The following ZNF90 variants were observed in gnomAD, a reference collection of about 807,000 sequenced individuals.
ZNF90 encodes the protein zinc finger protein HTF9.
Under a neutral mutation model 12.0 loss-of-function variants are expected in ZNF90, and 11 were observed. The ratio of observed to expected loss-of-function variants is 0.92; its 90% CI spans 0.58 to 1.52. The LOEUF (loss-of-function observed/expected upper bound fraction) is 1.52. Among genes scored for constraint, ZNF90 ranks in the 40% most tolerant of loss-of-function variants. The probability of loss-of-function intolerance (pLI) is 0.00; values close to 1 mark genes in which losing one functional copy is unlikely to be tolerated. For synonymous variants in ZNF90, 232 were observed against 240.1 expected (o/e 0.97, Z 0.31); for missense variants, 765 against 711.5 (o/e 1.08, Z -0.86).
chr19:20,078,184 A>C, intron 1 of ZNF90, 49 bp downstream of exon 1: 1 of 1,613,074 alleles, frequency 6.2e-7, no homozygotes, highest in South Asian at 1.1e-5. Context: ...ACTGGTTGGA[A>C]CCGATGGGAA....
chr19:20,079,052 G>C lies in ZNF90; in HGVS notation c.3+917G>C, dbSNP rs182786113. 2.4e-3 allele frequency among the ~76,000 whole-genome samples: 362 copies of C among 149,828 alleles called. 2 individuals carry two copies. The highest frequency in any genetic ancestry group is 8.6e-3 in the African/African-American group (347 of 40,240). On this transcript the variant is annotated intron_variant, in intron 1 of 3. Coordinates refer to ENST00000418063, the MANE Select transcript of ZNF90 (RefSeq NM_007138.2). ...GAGAATTGCTTGAACTCGGGAGGCA[G>C]AGGTTGCAGTGAGCTGAGATCCCTC...
Position 20,105,307 on chromosome 19 carries a change from A to G in ZNF90, c.217A>G (p.Lys73Glu), listed in dbSNP as rs782486065. 6.2e-7 allele frequency: 1 copy of G among 1,605,820 alleles called. No individual in the cohort carries two copies. Among genetic ancestry groups the G allele is most frequent in the Non-Finnish European group, 8.5e-7 (1 of 1,175,562 alleles). Residue 73 changes from lysine to glutamate, a missense_variant, in exon 3 of 4, where the codon AAA (lysine) becomes GAA (glutamate). Lys to Glu is a moderately conservative substitution (Grantham distance 56). Coordinates refer to ENST00000418063, the MANE Select transcript of ZNF90 (RefSeq NM_007138.2). ...TGTGAAGAGACATGAGATGATTGCC[A>G]AATCCCCAGGTAGGTGCGAGTGAAA... ...FTVKRHEMIA[K>E]SPVMCFHFAQ...
In ZNF90 at chr19:20,118,314, G is replaced by C. The variant is rs1479766033; in HGVS notation, c.760G>C (p.Glu254Gln). ...TGCACATAAGAGAATTCATACTGGA[G>C]AGAAACGGTACAAATGTGAAGATTG... ...LTAHKRIHTGEKRYKCEDCGK... is the reference protein window; with the variant it reads ...LTAHKRIHTGQKRYKCEDCGK... The change falls in exon 4 of 4, where the codon GAG (glutamate) becomes CAG (glutamine). Residue 254 changes from glutamate (E) to glutamine (Q), a missense_variant. Glu to Gln is a conservative substitution (Grantham distance 29). Transcript: ENST00000418063. 1 of 1,562,712 alleles carries C rather than the reference G, an allele frequency of 6.4e-7. No homozygotes were observed. Among genetic ancestry groups the C allele is most frequent in the Non-Finnish European group, 8.7e-7 (1 of 1,153,058 alleles).
At chr19:20,115,969 G>GTTCTCATAGGTTGAATCTCAAAGT (rs1373271879) in intron 3 of ZNF90, among the ~76,000 whole-genome samples, 1 of 152,074 alleles carries the variant, frequency 6.6e-6, no homozygotes, top group African/African-American at 2.4e-5. Context: ...TGCCTCCTAG[G>GTTCTCATAGGTTGAATCTCAAAGT]TTCAAGCGAT....
rs376316597 is a variant in ZNF90 at position 20,093,696 on chromosome 19, G to C, written c.4-10543G>C. Reference sequence around the variant, plus strand: ...GGAGTTTTCAGGGGTTTTGAAGCTTGGCCGTCAATACTCACAACAGTTATG... The same window carrying C: ...GGAGTTTTCAGGGGTTTTGAAGCTTCGCCGTCAATACTCACAACAGTTATG... On this transcript the variant is annotated intron_variant, in intron 1 of 3. Transcript: ENST00000418063. Among the ~76,000 whole-genome samples the C allele has an allele frequency of 1.4e-4, 22 of 152,256 alleles. No homozygotes were observed. The East Asian group carries it at 3.1e-3, about 21-fold the overall frequency.
At position 20,118,690 on chromosome 19, in the gene ZNF90, T is replaced by G. The variant is rs2089166887; in HGVS notation, c.1136T>G (p.Ile379Ser). 1 of 1,565,256 alleles carries G rather than the reference T, an allele frequency of 6.4e-7. No homozygotes were observed. The highest frequency in any genetic ancestry group is 1.4e-5 in the African/African-American group (1 of 73,254). ...YKCDKCGKAFISSSLLYKHKI... is the reference protein window; with the variant it reads ...YKCDKCGKAFSSSSLLYKHKI... ...TGTGATAAATGTGGCAAAGCATTTA[T>G]TTCATCCTCACTCCTTTATAAACAT... The change falls in exon 4 of 4, where the codon ATT becomes AGT. Residue 379 changes from isoleucine to serine, a missense_variant. Ile to Ser is a moderately radical substitution (Grantham distance 142). Transcript: ENST00000418063.
intron 1 of ZNF90, among the ~76,000 whole-genome samples, chr19:20,088,796 G>A (rs146282257): frequency 0.015 from 2,275 of 152,302 alleles, 55 homozygotes; most frequent in African/African-American, 0.052. Flanking sequence ...ACAGAAGGTC[G>A]TGACAGAGGT....
At chr19:20,114,181 C>T (rs1348245815) in intron 3 of ZNF90, among the ~76,000 whole-genome samples, 1 of 151,552 alleles carries the variant, frequency 6.6e-6, no homozygotes, top group Non-Finnish European at 1.5e-5. Context: ...ATGCCAGCTA[C>T]TGAGGAGGCT....
intron 1 of ZNF90, chr19:20,087,676 G>A (rs1289599485): frequency 6.6e-6 from 1 of 152,224 alleles, no homozygotes; most frequent in Non-Finnish European, 1.5e-5. Flanking sequence ...GTAAATAGAG[G>A]ACACTAGCTT....
intron 1 of ZNF90, chr19:20,080,375 G>C: frequency 2.3e-6 from 1 of 429,754 alleles, no homozygotes; most frequent in Non-Finnish European, 4.6e-6. Context: ...TCAGGGCACC[G>C]TATTTCTTCT....
chr19:20,115,938 A>G (rs1031347514), intron 3 of ZNF90, among the ~76,000 whole-genome samples: 1 of 152,066 alleles, frequency 6.6e-6, no homozygotes, highest in Non-Finnish European at 1.5e-5. Context: ...CAGTGGTGCA[A>G]TCTCGGCTGA....
Position 20,120,249 on chromosome 19 carries a change from A to G in ZNF90, c.*889A>G, listed in dbSNP as rs1312288062. ...GCCTACTCACATCTTACCCAACAGAAGGTGGTTCACAGTTAATGAAAGCAT... is the reference window on the plus strand; with the variant it reads ...GCCTACTCACATCTTACCCAACAGAGGGTGGTTCACAGTTAATGAAAGCAT... On this transcript the variant is annotated 3_prime_UTR_variant, in exon 4 of 4. Coordinates refer to ENST00000418063, the MANE Select transcript of ZNF90 (RefSeq NM_007138.2). 2.0e-5 allele frequency among the ~76,000 whole-genome samples: 3 copies of G among 152,254 alleles called. No homozygotes were observed. Among genetic ancestry groups the G allele is most frequent in the Non-Finnish European group, 4.4e-5 (3 of 68,044 alleles).
chr19:20,089,607 G>T (rs782145438), intron 1 of ZNF90, among the ~76,000 whole-genome samples: 2 of 152,126 alleles, frequency 1.3e-5, no homozygotes, highest in Non-Finnish European at 2.9e-5. Flanking sequence ...GGTCCAAATA[G>T]GGGGGAAGTA....
intron 3 of ZNF90, among the ~76,000 whole-genome samples, chr19:20,115,648 A>G (rs2089130946): frequency 6.6e-6 from 1 of 151,956 alleles, no homozygotes; most frequent in African/African-American, 2.4e-5. Context: ...TTTTACTTAT[A>G]TATGTGTTTG....
At chr19:20,112,938 A>T (rs1203697161) in intron 3 of ZNF90, among the ~76,000 whole-genome samples, 1 of 151,918 alleles carries the variant, frequency 6.6e-6, no homozygotes, top group African/African-American at 2.4e-5. Flanking sequence ...TTTGTGTTAT[A>T]TATTTTTGGG....
intron 1 of ZNF90, among the ~76,000 whole-genome samples, chr19:20,085,268 C>CTTTTTTTTTTCTTTTTTCTTT (rs56068843): frequency 7.4e-6 from 1 of 135,572 alleles, no homozygotes; most frequent in East Asian, 2.5e-4. Context: ...TTGCATTGGT[C>CTTTTTTTTTTCTTTTTTCTTT]TTTTTTTTTT....
chr19:20,105,086 C>A, intron 2 of ZNF90, 135 bp from the exon 3 acceptor site: 1 of 466,972 alleles, frequency 2.1e-6, no homozygotes, highest in Non-Finnish European at 3.5e-6. Flanking sequence ...TTTTCTAAAT[C>A]TTTTGAAATT....
At chr19:20,107,205 T>C in intron 3 of ZNF90, 1 of 338,408 alleles carries the variant, frequency 3.0e-6, no homozygotes, top group South Asian at 2.3e-5. Flanking sequence ...CATGCCTGCC[T>C]GTATAGCTAT....
intron 1 of ZNF90, among the ~76,000 whole-genome samples, chr19:20,095,452 A>G (rs2088936180): frequency 6.6e-6 from 1 of 151,958 alleles, no homozygotes; most frequent in Admixed American, 6.6e-5. Flanking sequence ...AGAAGGAGGA[A>G]TGGAGGGTGG....
Sources: allele counts gnomAD v4.1 joint callset (sites outside exome capture counted in the v4.1 genomes callset), GRCh38; gene constraint gnomAD v4.1.1; transcripts MANE v1.5; gene names NCBI Gene and HGNC (gene_info 2026-07-23, HGNC 2026-07-21).